The following CAMK1D variants were observed in gnomAD, a reference collection of about 807,000 sequenced individuals.
CAMK1D encodes the protein calcium/calmodulin-dependent protein kinase type 1D.
In CAMK1D, 9 loss-of-function variants were observed where a neutral mutation model predicts 47.7. The observed-to-expected ratio is 0.19, with a 90% CI of 0.11 to 0.33. The LOEUF (loss-of-function observed/expected upper bound fraction) is 0.33, where lower values mean the gene tolerates loss of function less well. Ranked by LOEUF, CAMK1D falls within the 10% of genes least tolerant of loss-of-function variation. CAMK1D has a pLI of 1.00. For missense variants in CAMK1D, 291 were observed against 488.7 expected (o/e 0.60, Z 3.81); for synonymous variants, 184 against 184.9 (o/e 0.99, Z 0.04).
chr10:12,720,660 C>A (rs972593170), intron 3 of CAMK1D, among the ~76,000 whole-genome samples: 6 of 152,324 alleles, frequency 3.9e-5, no homozygotes, highest in Non-Finnish European at 7.3e-5. Flanking sequence ...CAGAGTTTGA[C>A]AGGGAAATAG....
intron 2 of CAMK1D, among the ~76,000 whole-genome samples, chr10:12,568,194 C>T (rs1199105546): frequency 2.0e-5 from 2 of 100,658 alleles, no homozygotes; most frequent in Non-Finnish European, 4.1e-5. Flanking sequence ...CTCCCCCTCT[C>T]TCCCTCTTTC....
At chr10:12,817,262 G>C (rs1832837903) in intron 8 of CAMK1D, among the ~76,000 whole-genome samples, 1 of 152,208 alleles carries the variant, frequency 6.6e-6, no homozygotes, top group Non-Finnish European at 1.5e-5. Flanking sequence ...TTCATAGAAA[G>C]TCTTTAAAGA....
intron 1 of CAMK1D, among the ~76,000 whole-genome samples, chr10:12,378,746 T>G (rs1377666952): frequency 2.2e-4 from 34 of 152,008 alleles, no homozygotes; most frequent in Non-Finnish European, 7.4e-5. Context: ...TACTGGACAC[T>G]TGCAAGGTTT....
intron 1 of CAMK1D, among the ~76,000 whole-genome samples, chr10:12,425,323 C>G (rs1450383048): frequency 2.0e-5 from 3 of 149,654 alleles, no homozygotes; most frequent in African/African-American, 7.4e-5. Context: ...GCTCTGTCCC[C>G]CAGGCTGGGG....
intron 1 of CAMK1D, among the ~76,000 whole-genome samples, chr10:12,412,633 A>G (rs1411156311): frequency 1.3e-5 from 2 of 148,662 alleles, no homozygotes; most frequent in Admixed American, 6.7e-5. Context: ...CAAAAAAAAA[A>G]AAAAAAAGTC....
intron 2 of CAMK1D, among the ~76,000 whole-genome samples, chr10:12,617,607 A>G (rs1236979606): frequency 6.6e-6 from 1 of 152,144 alleles, no homozygotes; most frequent in African/African-American, 2.4e-5. Context: ...TTTCTGTCCC[A>G]CCTGCATCTG....
At chr10:12,397,756 CTAAAGATGTGTTTAGTTTGGCT>C (rs2131905323) in intron 1 of CAMK1D, among the ~76,000 whole-genome samples, 1 of 152,236 alleles carries the variant, frequency 6.6e-6, no homozygotes, top group African/African-American at 2.4e-5. Flanking sequence ...AAATGTTGGC[CTAAAGATGTGTTTAGTTTGGCT>C]TGCATGCTGT....
At chr10:12,492,757 G>A (rs1834424433) in intron 1 of CAMK1D, among the ~76,000 whole-genome samples, 1 of 152,224 alleles carries the variant, frequency 6.6e-6, no homozygotes, top group African/African-American at 2.4e-5. Context: ...ACCACCCCAA[G>A]GAGTCAGTTG....
At chr10:12,662,096 C>T (rs1588750977) in intron 2 of CAMK1D, among the ~76,000 whole-genome samples, 1 of 152,156 alleles carries the variant, frequency 6.6e-6, no homozygotes, top group African/African-American at 2.4e-5. Flanking sequence ...TGATGCGGGT[C>T]TCTGGTGGAA....
chr10:12,580,035 G>A (rs938187915), intron 2 of CAMK1D, among the ~76,000 whole-genome samples: 34 of 152,272 alleles, frequency 2.2e-4, no homozygotes, highest in African/African-American at 8.2e-4. Flanking sequence ...CTCCACTGGG[G>A]CGTTTTTCCT....
chr10:12,737,801 C>T (rs1004148844), intron 3 of CAMK1D, among the ~76,000 whole-genome samples: 1 of 152,114 alleles, frequency 6.6e-6, no homozygotes, highest in Admixed American at 6.5e-5. Context: ...ATATAAAATA[C>T]TATTAAGAAT....
intron 3 of CAMK1D, among the ~76,000 whole-genome samples, chr10:12,750,964 T>C (rs1173916014): frequency 6.6e-6 from 1 of 152,080 alleles, no homozygotes; most frequent in Non-Finnish European, 1.5e-5. Flanking sequence ...GGCTGGAGAA[T>C]TGCCGGAGCC....
chr10:12,491,843 A>G (rs1451396322), intron 1 of CAMK1D, among the ~76,000 whole-genome samples: 1 of 152,102 alleles, frequency 6.6e-6, no homozygotes, highest in Non-Finnish European at 1.5e-5. Context: ...GCTGGAGTTC[A>G]GTGGTGCCAT....
intron 6 of CAMK1D, among the ~76,000 whole-genome samples, chr10:12,798,132 T>C (rs1386734169): frequency 6.6e-6 from 1 of 152,242 alleles, no homozygotes; most frequent in Non-Finnish European, 1.5e-5. Flanking sequence ...GTCACTTTTG[T>C]GCCCTGAATG....
chr10:12,452,592 C>CTT (rs369439055), intron 1 of CAMK1D, among the ~76,000 whole-genome samples: 1 of 146,390 alleles, frequency 6.8e-6, no homozygotes. Context: ...ACCATTTTGA[C>CTT]TTTTTTTTTT....
intron 8 of CAMK1D, among the ~76,000 whole-genome samples, chr10:12,822,278 G>A (rs1165350399): frequency 6.6e-6 from 1 of 152,224 alleles, no homozygotes; most frequent in African/African-American, 2.4e-5. Flanking sequence ...GTGCACTATT[G>A]TGGCCTGACA....
intron 1 of CAMK1D, among the ~76,000 whole-genome samples, chr10:12,398,982 G>A (rs1839071802): frequency 1.3e-5 from 2 of 152,052 alleles, no homozygotes; most frequent in Admixed American, 1.3e-4. Flanking sequence ...GACTCTTGCC[G>A]ATTTCTGTGT....
At chr10:12,724,475 C>T (rs912625189) in intron 3 of CAMK1D, among the ~76,000 whole-genome samples, 8 of 152,074 alleles carry the variant, frequency 5.3e-5, no homozygotes, top group African/African-American at 1.4e-4. Context: ...GCAGAGGTCT[C>T]ATCTGCTTTG....
intron 6 of CAMK1D, among the ~76,000 whole-genome samples, chr10:12,808,207 G>A (rs1271215475): frequency 1.3e-5 from 2 of 152,212 alleles, no homozygotes; most frequent in African/African-American, 4.8e-5. Context: ...TGCTTGGCTT[G>A]CACGCCCTTG....
Sources: allele counts gnomAD v4.1 joint callset (sites outside exome capture counted in the v4.1 genomes callset), GRCh38; gene constraint gnomAD v4.1.1; transcripts MANE v1.5; gene names NCBI Gene and HGNC (gene_info 2026-07-23, HGNC 2026-07-21).